LRRC28: variants seen among roughly 807,000 people sequenced by gnomAD.
LRRC28 encodes the protein leucine rich repeat containing 28, also known as leucine-rich repeat-containing protein 28.
In LRRC28, 39 loss-of-function variants were observed where a neutral mutation model predicts 45.7. The ratio of observed to expected loss-of-function variants is 0.85; its 90% confidence interval spans 0.66 to 1.12. The LOEUF is 1.12. LRRC28 is among the 50% of genes most tolerant of loss of function. LRRC28 has a pLI of 0.00. For missense variants in LRRC28, 435 were observed against 438.5 expected, an observed-to-expected ratio of 0.99 and a Z score of 0.07; for synonymous variants, 206 against 178.8, an observed-to-expected ratio of 1.15 and a Z score of -1.22.
chr15:99,253,374 G>A (rs2080922478), intron 1 of LRRC28, among the ~76,000 whole-genome samples: 2 of 152,184 alleles, frequency 1.3e-5, no homozygotes, highest in Admixed American at 6.5e-5. Context: ...ACCCTCCTCG[G>A]CCTCCCAAAG....
At chr15:99,309,394 A>C (rs1293626496) in intron 5 of LRRC28, among the ~76,000 whole-genome samples, 1 of 152,088 alleles carries the variant, frequency 6.6e-6, no homozygotes, top group Non-Finnish European at 1.5e-5. Flanking sequence ...TGTGGCATAT[A>C]ACTGAGGGAA....
chr15:99,283,360 TC>T (rs1174997722), intron 3 of LRRC28, among the ~76,000 whole-genome samples: 1 of 148,418 alleles, frequency 6.7e-6, no homozygotes, highest in East Asian at 2.1e-4. Flanking sequence ...ATGCCTGTAA[TC>T]CCAGCACTTT....
At chr15:99,368,293 A>T (rs756599337) in intron 9 of LRRC28, among the ~76,000 whole-genome samples, 1 of 152,142 alleles carries the variant, frequency 6.6e-6, no homozygotes, top group African/African-American at 2.4e-5. Flanking sequence ...CCAGATAACA[A>T]TTTATCTGCT....
chr15:99,319,345 C>T (rs1357369018), intron 5 of LRRC28, among the ~76,000 whole-genome samples: 1 of 152,070 alleles, frequency 6.6e-6, no homozygotes, highest in Non-Finnish European at 1.5e-5. Context: ...CTCCATGAAT[C>T]TTGAAGAATG....
intron 6 of LRRC28, among the ~76,000 whole-genome samples, chr15:99,336,583 C>A (rs1230296619): frequency 1.3e-5 from 2 of 152,200 alleles, no homozygotes; most frequent in African/African-American, 4.8e-5. Flanking sequence ...ATCTCTCTCT[C>A]TATTCACTTA....
At chr15:99,263,953 T>G (rs1039446498) in intron 2 of LRRC28, among the ~76,000 whole-genome samples, 9 of 152,150 alleles carry the variant, frequency 5.9e-5, no homozygotes, top group African/African-American at 1.9e-4. Flanking sequence ...GAGGGACAAG[T>G]CTACAAAGCT....
chr15:99,271,572 C>T (rs916657404), intron 2 of LRRC28, among the ~76,000 whole-genome samples: 1 of 151,856 alleles, frequency 6.6e-6, no homozygotes, highest in African/African-American at 2.4e-5. Flanking sequence ...CCACCGCATC[C>T]AGCCCTATTT....
At chr15:99,308,059 C>T (rs1266493072) in intron 5 of LRRC28, among the ~76,000 whole-genome samples, 2 of 152,216 alleles carry the variant, frequency 1.3e-5, no homozygotes, top group East Asian at 3.9e-4. Flanking sequence ...ATGATGATGG[C>T]TTGCACTAGA....
intron 3 of LRRC28, chr15:99,284,575 T>G (rs969943355): frequency 6.2e-5 from 29 of 467,288 alleles, no homozygotes; most frequent in Non-Finnish European, 1.2e-4. Context: ...TCCCTGTCAC[T>G]TCTCTTGCTC....
chr15:99,304,842 C>G (rs1289258579), intron 5 of LRRC28, among the ~76,000 whole-genome samples: 1 of 151,642 alleles, frequency 6.6e-6, no homozygotes, highest in Non-Finnish European at 1.5e-5. Context: ...GGATCACGAC[C>G]CTATTCAGTA....
chr15:99,386,096 G>A lies in LRRC28; in HGVS notation c.1098G>A (p.Leu366=). ...STQCLQTFDL[L]S is the part of the protein sequence containing the mutation. ...AGTGTCTGCAGACTTTTGACCTGCT[G>A]AGTTGATAAACACTCAAGAACCTCA... Residue 366 remains leucine (L), a synonymous_variant, in exon 10 of 10, where the codon CTG becomes CTA. Coordinates refer to ENST00000301981, the MANE Select transcript of LRRC28 (RefSeq NM_144598.5). 2 of 1,613,976 alleles carry A rather than the reference G, an allele frequency of 1.2e-6. No individual in the cohort carries two copies. Among genetic ancestry groups the A allele is most frequent in the Non-Finnish European group, 1.7e-6 (2 of 1,179,868 alleles).
intron 3 of LRRC28, chr15:99,284,846 A>G (rs2081913824): frequency 5.4e-6 from 3 of 558,614 alleles, no homozygotes; most frequent in Admixed American, 3.8e-5. Context: ...TACCAAATCC[A>G]TTGTAGCCAT....
intron 5 of LRRC28, among the ~76,000 whole-genome samples, chr15:99,329,003 C>T (rs72758824): frequency 0.033 from 5,017 of 152,012 alleles, 118 homozygotes; most frequent in Non-Finnish European, 0.051. Flanking sequence ...TAATAAATCC[C>T]TTCTCATATA....
intron 9 of LRRC28, among the ~76,000 whole-genome samples, chr15:99,372,062 T>C (rs1957499320): frequency 6.6e-6 from 1 of 152,188 alleles, no homozygotes. Flanking sequence ...TAAGTTAATA[T>C]GTACACAAGC....
chr15:99,324,598 G>A (rs1204503781), intron 5 of LRRC28, among the ~76,000 whole-genome samples: 2 of 152,122 alleles, frequency 1.3e-5, no homozygotes, highest in African/African-American at 4.8e-5. Flanking sequence ...GGGACTTACT[G>A]TGTTTTTCTT....
In LRRC28 at chr15:99,363,246, A is replaced by G. The variant is rs535542786; in HGVS notation, c.1012A>G (p.Met338Val). Reference protein sequence around the residue: ...PKLFPLRETPMAGLHQWKTTV... With the variant: ...PKLFPLRETPVAGLHQWKTTV... The stretch of plus-strand genomic sequence containing the variant: ...GCTCTTTCCCTTGAGAGAGACGCCA[A>G]TGGCAGGGCTGCACCAGTGGTAATC... Residue 338 changes from methionine to valine, a missense_variant, in exon 9 of 10, where the codon ATG becomes GTG. Physicochemically the swap from Met to Val is conservative, Grantham distance 21 (BLOSUM62 1). Transcript: ENST00000301981. The G allele has an allele frequency of 1.1e-5, 17 of 1,613,946 alleles. No homozygotes were observed. In the African/African-American group the frequency reaches 1.1e-4, roughly 10 times the overall value.
intron 6 of LRRC28, among the ~76,000 whole-genome samples, chr15:99,336,467 T>A (rs1343893491): frequency 1.3e-5 from 2 of 152,218 alleles, no homozygotes; most frequent in African/African-American, 2.4e-5. Context: ...GGCTGAACCA[T>A]ATTGAGCATC....
chr15:99,357,557 G>T (rs1957081032), intron 7 of LRRC28, among the ~76,000 whole-genome samples: 1 of 152,144 alleles, frequency 6.6e-6, no homozygotes, highest in Admixed American at 6.6e-5. Context: ...CTTCCCTTTG[G>T]GGTATGGGTT....
chr15:99,255,180 G>C (rs1350024897), intron 1 of LRRC28, among the ~76,000 whole-genome samples: 1 of 151,732 alleles, frequency 6.6e-6, no homozygotes, highest in African/African-American at 2.4e-5. Context: ...AACACAGTGA[G>C]ACCCCCATCT....
Sources: allele counts gnomAD v4.1 joint callset (sites outside exome capture counted in the v4.1 genomes callset), GRCh38; gene constraint gnomAD v4.1.1; transcripts MANE v1.5; gene names NCBI Gene and HGNC (gene_info 2026-07-23, HGNC 2026-07-21).